ARID4A: variants seen among roughly 807,000 people sequenced by gnomAD.
ARID4A encodes AT-rich interaction domain 4A.
In ARID4A, 39 loss-of-function variants were observed where a neutral mutation model predicts 148.6. The ratio of observed to expected loss-of-function variants is 0.26; its 90% CI spans 0.20 to 0.34. The LOEUF (loss-of-function observed/expected upper bound fraction) is 0.34, where lower values mean the gene tolerates loss of function less well. Among genes scored for constraint, ARID4A ranks in the 10% least tolerant of loss-of-function variants. The pLI, the probability that ARID4A is intolerant of heterozygous loss-of-function variation, is 1.00. For synonymous variants in ARID4A, 475 were observed against 481.2 expected (o/e 0.99, Z 0.17); for missense variants, 1,265 against 1,449.1 (o/e 0.87, Z 2.06).
intron 11 of ARID4A, among the ~76,000 whole-genome samples, chr14:58,338,252 A>G (rs1300583841): frequency 2.6e-5 from 4 of 152,222 alleles, no homozygotes; most frequent in Non-Finnish European, 4.4e-5. Context: ...ACAGCTTACA[A>G]ATGTTCTATG....
rs543489272 is a variant in ARID4A at position 58,336,710 on chromosome 14, G to A, written c.906+6541G>A. On this transcript the variant is annotated intron_variant, in intron 11 of 23. Transcript: ENST00000355431. ...TTAGTTTATTCATGGAGACTTGGTG[G>A]TTTTTAAAGTAAGACTGTTTGTTTA... Among the ~76,000 whole-genome samples the A allele has an allele frequency of 2.6e-5, 4 of 152,100 alleles. No homozygotes were observed. The South Asian group carries it at 8.3e-4, about 32-fold the overall frequency.
intron 5 of ARID4A, among the ~76,000 whole-genome samples, chr14:58,317,523 C>A (rs377698082): frequency 1.1e-3 from 165 of 151,322 alleles, no homozygotes; most frequent in African/African-American, 3.7e-3. Flanking sequence ...CCTGACCTGA[C>A]CTCGTGATCC....
chr14:58,303,549 A>G (rs2031364211), intron 3 of ARID4A: 1 of 470,950 alleles, frequency 2.1e-6, no homozygotes, highest in African/African-American at 2.0e-5. Context: ...ATTAAGCACC[A>G]TAAAAGGAGG....
intron 8 of ARID4A, among the ~76,000 whole-genome samples, chr14:58,325,111 C>T (rs887540857): frequency 2.0e-5 from 3 of 152,122 alleles, no homozygotes; most frequent in Non-Finnish European, 2.9e-5. Context: ...AAGCGATACA[C>T]AAGAGAATTA....
At chr14:58,301,138 G>A (rs1337032038) in intron 2 of ARID4A, among the ~76,000 whole-genome samples, 2 of 152,048 alleles carry the variant, frequency 1.3e-5, no homozygotes, top group East Asian at 3.8e-4. Context: ...ACCTTTATGT[G>A]GCTATGTCAA....
chr14:58,362,253 G>A (rs759607500), intron 19 of ARID4A, among the ~76,000 whole-genome samples: 10 of 151,936 alleles, frequency 6.6e-5, no homozygotes, highest in East Asian at 1.9e-4. Flanking sequence ...GCTTGTACTC[G>A]TTTCCCCCAC....
chr14:58,303,012 T>C (rs1341947754), intron 3 of ARID4A, among the ~76,000 whole-genome samples: 1 of 152,182 alleles, frequency 6.6e-6, no homozygotes. Context: ...CTTTTTTTTT[T>C]GGTGGTTCCT....
intron 15 of ARID4A, among the ~76,000 whole-genome samples, chr14:58,348,339 G>A (rs911605556): frequency 3.3e-5 from 5 of 152,128 alleles, no homozygotes; most frequent in African/African-American, 4.8e-5. Flanking sequence ...TGTTTATTTC[G>A]TTTATTGACA....
At position 58,318,822 on chromosome 14, in the gene ARID4A, A is replaced by T; in HGVS notation, c.449+17A>T. 6.3e-7 allele frequency: 1 copy of T among 1,578,800 alleles called. No homozygotes were observed. The highest frequency in any genetic ancestry group is 8.7e-7 in the Non-Finnish European group (1 of 1,149,392). On this transcript the variant is annotated intron_variant, in intron 7 of 23. Coordinates refer to ENST00000355431, the MANE Select transcript of ARID4A (RefSeq NM_002892.4). ...TCTTCCTGTGTGAGTTTTTTCATAT[A>T]TGGTATCATTTTAATTACAATTATT...
Position 58,371,966 on chromosome 14 carries a change from G to A in ARID4A, c.3751G>A (p.Val1251Ile), listed in dbSNP as rs1241789202. ...SPSSSSPPQN[V>I]LAVECR ...CTCATCATCATCTCCCCCACAAAAT[G>A]TACTTGCTGTAGAATGCAGGTGATA... is the stretch of plus-strand genomic sequence containing the variant. The change falls in exon 24 of 24, where the codon GTA (valine) becomes ATA (isoleucine). Residue 1251 changes from valine (V) to isoleucine (I), a missense_variant. Coordinates refer to ENST00000355431, the MANE Select transcript of ARID4A (RefSeq NM_002892.4). 1.9e-6 allele frequency: 3 copies of A among 1,609,862 alleles called. No individual in the cohort carries two copies. Among genetic ancestry groups the A allele is most frequent in the South Asian group, 2.2e-5 (2 of 90,922 alleles).
chr14:58,365,461 CTTGCTCTT>C (rs2035316290), intron 20 of ARID4A, 49 bp from the exon 21 acceptor site: 3 of 985,030 alleles, frequency 3.0e-6, no homozygotes, highest in South Asian at 3.3e-5. Flanking sequence ...GAATAATATA[CTTGCTCTT>C]TTTTTTTTTT....
intron 23 of ARID4A, among the ~76,000 whole-genome samples, chr14:58,370,253 T>TG (rs1373841118): frequency 6.6e-6 from 1 of 152,260 alleles, no homozygotes; most frequent in Non-Finnish European, 1.5e-5. Context: ...CCACTTGCTC[T>TG]GGGGTCAGTT....
chr14:58,366,238 G>C lies in ARID4A; in HGVS notation c.3523+8G>C, dbSNP rs776541570. 1.9e-6 allele frequency: 3 copies of C among 1,603,554 alleles called. 1 individual carries two copies. The highest frequency in any genetic ancestry group is 2.2e-5 in the South Asian group (2 of 90,636). On this transcript the variant is annotated splice_region_variant and intron_variant, in intron 22 of 23. Transcript: ENST00000355431. Reference sequence around the variant, plus strand: ...AATGGAGCTTTCAGCTCAGTAAGAAGCTTATAGAAAACTTGATAGATGAAT... The same window carrying C: ...AATGGAGCTTTCAGCTCAGTAAGAACCTTATAGAAAACTTGATAGATGAAT...
At chr14:58,345,784 G>A (rs969918946) in intron 12 of ARID4A, among the ~76,000 whole-genome samples, 4 of 137,134 alleles carry the variant, frequency 2.9e-5, no homozygotes, top group Admixed American at 1.6e-4. Flanking sequence ...AAGCTGGAGT[G>A]CGGTGGCGTG....
chr14:58,317,933 A>T (rs2032577640), intron 5 of ARID4A, among the ~76,000 whole-genome samples: 1 of 151,914 alleles, frequency 6.6e-6, no homozygotes, highest in Non-Finnish European at 1.5e-5. Flanking sequence ...CAGGAGTTTG[A>T]GACCAACCTG....
chr14:58,338,902 C>T (rs1368859259), intron 11 of ARID4A, among the ~76,000 whole-genome samples: 1 of 140,522 alleles, frequency 7.1e-6, no homozygotes, highest in African/African-American at 2.7e-5. Context: ...TACTGGAGTA[C>T]ACCGCCCCAC....
At chr14:58,340,502 G>A (rs1051514337) in intron 11 of ARID4A, among the ~76,000 whole-genome samples, 2 of 151,992 alleles carry the variant, frequency 1.3e-5, no homozygotes, top group African/African-American at 2.4e-5. Context: ...GGCGCACAAC[G>A]CCACGCCCAG....
intron 11 of ARID4A, among the ~76,000 whole-genome samples, chr14:58,338,818 A>G (rs904115097): frequency 2.0e-5 from 3 of 151,944 alleles, no homozygotes; most frequent in African/African-American, 7.3e-5. Flanking sequence ...TGAAGGGGAA[A>G]CAAAGTTGCT....
intron 3 of ARID4A, among the ~76,000 whole-genome samples, chr14:58,304,356 A>C (rs2031437804): frequency 6.6e-6 from 1 of 152,194 alleles, no homozygotes; most frequent in Non-Finnish European, 1.5e-5. Flanking sequence ...AGGAGGTCTT[A>C]CCATACATTA....
Sources: gnomAD v4.1 joint callset for allele counts (sites outside exome capture counted in the v4.1 genomes callset) on GRCh38, gnomAD v4.1.1 for gene constraint, MANE v1.5 for transcripts, NCBI Gene and HGNC (gene_info 2026-07-23, HGNC 2026-07-21) for gene names.